UGT2A1: variants seen among roughly 807,000 people sequenced by gnomAD.
The protein encoded by UGT2A1 is UDP glucuronosyltransferase family 2 member A1 complex locus.
Under a neutral mutation model 45.4 loss-of-function variants are expected in UGT2A1, and 61 were observed. The observed-to-expected ratio is 1.34, with a 90% CI of 1.09 to 1.66. The LOEUF is 1.66. Ranked by LOEUF, UGT2A1 falls within the 40% of genes most tolerant of loss-of-function variation. The pLI is 0.00. For missense variants in UGT2A1, 649 were observed against 574.3 expected (o/e 1.13, Z -1.33); for synonymous variants, 229 against 196.2 (o/e 1.17, Z -1.40).
At chr4:69,612,950 T>G (rs7685874) in intron 3 of UGT2A1, among the ~76,000 whole-genome samples, 58,480 of 146,550 alleles carry the variant, frequency 0.4, 11,768 homozygotes, top group African/African-American at 0.48. Flanking sequence ...ACAACCTACA[T>G]AATGGGAGAA....
chr4:69,652,913 AG>A (rs1291489823), intron 1 of UGT2A1, among the ~76,000 whole-genome samples: 3 of 152,214 alleles, frequency 2.0e-5, no homozygotes, highest in South Asian at 2.1e-4. Flanking sequence ...ATCCCTAAAG[AG>A]GACTTTGAGT....
At chr4:69,637,745 T>C (rs753034056) in intron 2 of UGT2A1, among the ~76,000 whole-genome samples, 1 of 152,154 alleles carries the variant, frequency 6.6e-6, no homozygotes, top group East Asian at 1.9e-4. Context: ...AGAATGTAAG[T>C]TCCATGAGAT....
chr4:69,594,689 G>T lies in UGT2A1; in HGVS notation c.1092C>A (p.Pro364=), dbSNP rs145779977. 24 of 1,613,134 alleles carry T rather than the reference G, an allele frequency of 1.5e-5. No homozygotes were observed. The African/African-American group carries it at 2.7e-4, about 18-fold the overall frequency. ...CATGAGTGATAAAAGCTTTGGTTTT[G>T]GGATGTCCTAATTTGAGGATGGAGT... ...WIPQNDLLGH[P]KTKAFITHGG... is the part of the protein sequence containing the mutation. Residue 364 remains proline (P), a synonymous_variant, in exon 6 of 7, where the codon CCC becomes CCA. Coordinates refer to ENST00000286604, the MANE Select transcript of UGT2A1 (RefSeq NM_001252275.3).
chr4:69,624,734 T>C (rs1186938920), intron 3 of UGT2A1, among the ~76,000 whole-genome samples: 1 of 151,462 alleles, frequency 6.6e-6, no homozygotes, highest in Admixed American at 6.6e-5. Flanking sequence ...TTTGTGTTAT[T>C]GTTGCCATAC....
At chr4:69,598,235 G>A (rs2109887632) in intron 4 of UGT2A1, among the ~76,000 whole-genome samples, 1 of 152,126 alleles carries the variant, frequency 6.6e-6, no homozygotes, top group East Asian at 1.9e-4. Flanking sequence ...AAATATGTCT[G>A]TTACTATAAA....
At chr4:69,594,120 G>A (rs901429911) in intron 6 of UGT2A1, among the ~76,000 whole-genome samples, 1 of 151,410 alleles carries the variant, frequency 6.6e-6, no homozygotes, top group Admixed American at 6.6e-5. Flanking sequence ...GACTACAGGC[G>A]CCCACTATCA....
chr4:69,610,803 T>C (rs766283876), intron 3 of UGT2A1, among the ~76,000 whole-genome samples: 1 of 152,184 alleles, frequency 6.6e-6, no homozygotes, highest in East Asian at 1.9e-4. Context: ...TTTGGACGTC[T>C]AGCCATCAGA....
intron 3 of UGT2A1, among the ~76,000 whole-genome samples, chr4:69,621,724 C>T (rs1033470250): frequency 3.8e-4 from 57 of 151,876 alleles, no homozygotes; most frequent in African/African-American, 1.3e-3. Flanking sequence ...CAGCATGATT[C>T]ACAATAGCAA....
intron 3 of UGT2A1, among the ~76,000 whole-genome samples, chr4:69,626,298 C>T (rs1721056222): frequency 6.6e-6 from 1 of 151,206 alleles, no homozygotes; most frequent in African/African-American, 2.4e-5. Context: ...ACCAAAGAGG[C>T]CATACACATC....
At chr4:69,607,441 T>C (rs1438638275) in intron 3 of UGT2A1, among the ~76,000 whole-genome samples, 1 of 151,970 alleles carries the variant, frequency 6.6e-6, no homozygotes, top group South Asian at 2.1e-4. Context: ...AAGACTTACA[T>C]GTTAGACCTA....
At chr4:69,642,348 C>A (rs1722083349) in intron 2 of UGT2A1, among the ~76,000 whole-genome samples, 1 of 150,810 alleles carries the variant, frequency 6.6e-6, no homozygotes, top group Non-Finnish European at 1.5e-5. Flanking sequence ...GAAGATTTTT[C>A]AAAGATTCTA....
Position 69,647,605 on chromosome 4 carries a change from G to A in UGT2A1, c.40C>T (p.Leu14Phe). Residue 14 changes from leucine to phenylalanine, a missense_variant, in exon 2 of 7, where the codon CTC becomes TTC. By Grantham distance (22) the Leu-to-Phe change is conservative (BLOSUM62 0). Coordinates refer to ENST00000286604, the MANE Select transcript of UGT2A1 (RefSeq NM_001252275.3). ...TTCCCACCAAGAGTGGTTCCTATGA[G>A]ACTTATCTGAAGGGAGAACAGCAGA... ...NLLLFSLQIS[L>F]IGTTLGGNVL... The A allele has an allele frequency of 1.2e-6, 2 of 1,603,112 alleles. No individual in the cohort carries two copies. The highest frequency in any genetic ancestry group is 1.7e-6 in the Non-Finnish European group (2 of 1,175,236).
rs150861593 is a variant in UGT2A1, at chr4:69,589,556, C to T, written c.1400G>A (p.Arg467His). The change falls in exon 7 of 7, where the codon CGC becomes CAC. Residue 467 changes from arginine to histidine, a missense_variant. By Grantham distance (29) the Arg-to-His change is conservative (BLOSUM62 0). Coordinates refer to ENST00000286604, the MANE Select transcript of UGT2A1 (RefSeq NM_001252275.3). ...CCGAAGGTGCTTGGCTCCTTTGTGGCGCATGACAAACTCGATCCAGAAGAC... is the reference window on the plus strand; with the variant it reads ...CCGAAGGTGCTTGGCTCCTTTGTGGTGCATGACAAACTCGATCCAGAAGAC... ...RAVFWIEFVM[R>H]HKGAKHLRVA... 3.1e-4 allele frequency: 507 copies of T among 1,614,010 alleles called. 1 individual carries two copies. Among genetic ancestry groups the T allele is most frequent in the Middle Eastern group, 2.0e-3 (12 of 6,056 alleles).
intron 3 of UGT2A1, among the ~76,000 whole-genome samples, chr4:69,612,496 C>G (rs1233155097): frequency 6.6e-6 from 1 of 151,702 alleles, no homozygotes; most frequent in South Asian, 2.1e-4. Context: ...TATAAGACTA[C>G]AGTAATTTAA....
At chr4:69,589,885 G>A (rs557241555) in intron 6 of UGT2A1, among the ~76,000 whole-genome samples, 76 of 152,312 alleles carry the variant, frequency 5.0e-4, no homozygotes, top group African/African-American at 1.8e-3. Context: ...AAAAAGTAGA[G>A]TAAGCCAGTT....
intron 3 of UGT2A1, among the ~76,000 whole-genome samples, chr4:69,608,845 G>T (rs1015221257): frequency 2.0e-5 from 3 of 151,822 alleles, no homozygotes; most frequent in South Asian, 2.1e-4. Context: ...ACAGGCACAT[G>T]CCACCATGTC....
chr4:69,626,848 C>T (rs1018204475), intron 3 of UGT2A1, among the ~76,000 whole-genome samples: 1 of 151,354 alleles, frequency 6.6e-6, no homozygotes, highest in Non-Finnish European at 1.5e-5. Flanking sequence ...TCAAATTGTC[C>T]CAGATTTTGG....
At chr4:69,643,053 C>T (rs1207240000) in intron 2 of UGT2A1, among the ~76,000 whole-genome samples, 1 of 151,344 alleles carries the variant, frequency 6.6e-6, no homozygotes, top group Non-Finnish European at 1.5e-5. Context: ...GAACCCTTTA[C>T]TTCCTTTCAG....
rs1207502344 is a variant in UGT2A1 at position 69,602,472 on chromosome 4, T to TATC, written c.848-3081_848-3079dup. ...ACAAAGATTTAGGAGTTTATCTATC[T>TATC]ATCTATCTATCTATCTATCTATCTA... On this transcript the variant is annotated intron_variant, in intron 3 of 6. Coordinates refer to ENST00000286604, the MANE Select transcript of UGT2A1 (RefSeq NM_001252275.3). 1.9e-5 allele frequency among the ~76,000 whole-genome samples: 2 copies of TATC among 103,490 alleles called. 1 individual carries two copies. The allele number at this position is 103,490 out of a possible 152,430, so 67.9% of individuals were successfully genotyped here. A position where few individuals can be genotyped will look rare whatever the true frequency, so the allele number is the denominator to read the frequency against.
Sources: allele counts gnomAD v4.1 joint callset (sites outside exome capture counted in the v4.1 genomes callset), GRCh38; gene constraint gnomAD v4.1.1; transcripts MANE v1.5; gene names NCBI Gene and HGNC (gene_info 2026-07-23, HGNC 2026-07-21).